PCNX2: variants seen among roughly 807,000 people sequenced by gnomAD.
PCNX2 encodes the protein pecanex-like protein 2.
PCNX2 carries 168 observed loss-of-function variants against 223.8 expected under a neutral mutation model. The ratio of observed to expected loss-of-function variants is 0.75; its 90% confidence interval spans 0.66 to 0.85. The LOEUF (loss-of-function observed/expected upper bound fraction) is 0.85. PCNX2 is among the 40% of genes least tolerant of loss of function. The pLI is 0.00. For synonymous variants in PCNX2, 1,006 were observed against 1,052.6 expected, an observed-to-expected ratio of 0.96 and a Z score of 0.86; for missense variants, 2,507 against 2,675.5, an observed-to-expected ratio of 0.94 and a Z score of 1.39.
chr1:232,999,484 G>C, intron 30 of PCNX2, 105 bp from the exon 31 acceptor site: 1 of 1,290,786 alleles, frequency 7.7e-7, no homozygotes, highest in Non-Finnish European at 1.0e-6. Context: ...ATAGAGTTTC[G>C]CTCTTGTTGC....
At chr1:233,161,580 G>T (rs115949858) in intron 17 of PCNX2, among the ~76,000 whole-genome samples, 1 of 152,094 alleles carries the variant, frequency 6.6e-6, no homozygotes, top group Non-Finnish European at 1.5e-5. Context: ...GGAGAGTGGT[G>T]GGGGAGAGGA....
chr1:233,142,241 A>G (rs1376137019), intron 19 of PCNX2, among the ~76,000 whole-genome samples: 1 of 152,214 alleles, frequency 6.6e-6, no homozygotes, highest in African/African-American at 2.4e-5. Flanking sequence ...GGGCTGTCAC[A>G]TAGCATCAAG....
chr1:233,101,235 T>C (rs1674471161), intron 21 of PCNX2, among the ~76,000 whole-genome samples: 1 of 151,998 alleles, frequency 6.6e-6, no homozygotes, highest in African/African-American at 2.4e-5. Context: ...AAAAGAAAAA[T>C]GTTCAAGAAG....
intron 2 of PCNX2, among the ~76,000 whole-genome samples, chr1:233,262,647 C>A (rs369886933): frequency 2.6e-5 from 4 of 152,124 alleles, no homozygotes. Flanking sequence ...CTGGCATGCT[C>A]TAAGCATTTA....
chr1:233,116,027 T>G (rs1308712443), intron 21 of PCNX2, among the ~76,000 whole-genome samples: 1 of 151,668 alleles, frequency 6.6e-6, no homozygotes, highest in Non-Finnish European at 1.5e-5. Flanking sequence ...AGCAAAGAAA[T>G]TACCAGAAAA....
intron 23 of PCNX2, among the ~76,000 whole-genome samples, chr1:233,060,042 T>C (rs1672346854): frequency 6.6e-6 from 1 of 152,254 alleles, no homozygotes; most frequent in South Asian, 2.1e-4. Context: ...AAGATCCTGT[T>C]GAGTTCTGTG....
intron 10 of PCNX2, among the ~76,000 whole-genome samples, chr1:233,225,362 CA>C (rs558779682): frequency 2.8e-4 from 42 of 152,054 alleles, no homozygotes; most frequent in Non-Finnish European, 5.4e-4. Context: ...AGATTATACC[CA>C]TTTAACAGAT....
chr1:233,014,859 G>T, intron 27 of PCNX2, 82 bp from the exon 28 acceptor site: 1 of 1,122,568 alleles, frequency 8.9e-7, no homozygotes, highest in East Asian at 2.4e-5. Context: ...GAGTGACATT[G>T]GCTTTGTAAG....
chr1:233,012,849 A>G (rs535230902), intron 28 of PCNX2, among the ~76,000 whole-genome samples: 2 of 152,390 alleles, frequency 1.3e-5, no homozygotes, highest in South Asian at 4.1e-4. Context: ...ATCCAACAAA[A>G]GAGCTTATTT....
chr1:233,095,866 G>A lies in PCNX2; in HGVS notation c.3838-3C>T, dbSNP rs1674132290. 2 of 1,586,836 alleles carry A rather than the reference G, an allele frequency of 1.3e-6. No individual in the cohort carries two copies. Among genetic ancestry groups the A allele is most frequent in the Non-Finnish European group, 8.6e-7 (1 of 1,162,464 alleles). Reference sequence around the variant, plus strand: ...AACTTGTGAAGCAGGTCCCCGAGCTGAAAGTAAAAGAAAAAAAATTCATCA... The same window carrying A: ...AACTTGTGAAGCAGGTCCCCGAGCTAAAAGTAAAAGAAAAAAAATTCATCA... On this transcript the variant is annotated splice_polypyrimidine_tract_variant and splice_region_variant and intron_variant, in intron 21 of 33. Transcript: ENST00000258229.
intron 15 of PCNX2, among the ~76,000 whole-genome samples, chr1:233,185,405 C>T (rs950748857): frequency 2.0e-5 from 3 of 152,068 alleles, no homozygotes; most frequent in African/African-American, 7.2e-5. Flanking sequence ...GCTCCATGTA[C>T]CCCACCACCT....
the PCNX2 span, among the ~76,000 whole-genome samples, chr1:233,308,972 C>A: frequency 1.3e-5 from 2 of 151,956 alleles, no homozygotes; most frequent in South Asian, 4.2e-4. Context: ...TAGAGAAAAT[C>A]CAAGCATTGG....
chr1:233,088,994 T>A (rs1034781862), intron 23 of PCNX2, among the ~76,000 whole-genome samples: 1 of 152,176 alleles, frequency 6.6e-6, no homozygotes, highest in Non-Finnish European at 1.5e-5. Flanking sequence ...CAGTGTTAAG[T>A]GGGAGAGATG....
chr1:233,324,955 A>T, the PCNX2 span, among the ~76,000 whole-genome samples: 3 of 152,180 alleles, frequency 2.0e-5, no homozygotes, highest in South Asian at 6.2e-4. Context: ...TCTTTTCAAA[A>T]TATTACTACT....
intron 9 of PCNX2, among the ~76,000 whole-genome samples, chr1:233,229,503 A>G (rs961507535): frequency 2.6e-5 from 4 of 152,188 alleles, no homozygotes; most frequent in Non-Finnish European, 5.9e-5. Context: ...TTGAAGCCAC[A>G]TGGACAAACA....
intron 21 of PCNX2, among the ~76,000 whole-genome samples, chr1:233,097,372 C>T (rs917462567): frequency 4.0e-5 from 6 of 151,324 alleles, no homozygotes; most frequent in African/African-American, 1.2e-4. Flanking sequence ...TGAAAAATGA[C>T]AGGAAAACTA....
chr1:233,077,411 A>T (rs6680955), intron 23 of PCNX2, among the ~76,000 whole-genome samples: 40,463 of 152,052 alleles, frequency 0.27, 7,009 homozygotes, highest in African/African-American at 0.49. Flanking sequence ...AGCCTCTTGG[A>T]AAACAGGGAA....
the PCNX2 span, among the ~76,000 whole-genome samples, chr1:233,322,079 C>T: frequency 6.6e-6 from 1 of 152,104 alleles, no homozygotes; most frequent in Non-Finnish European, 1.5e-5. Context: ...CTTTCAAGAC[C>T]AGCATTGGAG....
At chr1:233,090,017 G>A (rs1399725441) in intron 23 of PCNX2, 44 bp downstream of exon 23, 3 of 1,611,254 alleles carry the variant, frequency 1.9e-6, no homozygotes, top group Admixed American at 1.7e-5. Flanking sequence ...CTTCTGAAGT[G>A]CAAACTGGAG....
Sources: allele counts gnomAD v4.1 joint callset (sites outside exome capture counted in the v4.1 genomes callset), GRCh38; gene constraint gnomAD v4.1.1; transcripts MANE v1.5; gene names NCBI Gene and HGNC (gene_info 2026-07-23, HGNC 2026-07-21).